Variants in CCSER2 observed in about 807,000 individuals in gnomAD.
CCSER2 encodes the protein coiled-coil serine rich protein 2.
Under a neutral mutation model 92.3 loss-of-function variants are expected in CCSER2, and 46 were observed. The observed-to-expected ratio is 0.50, with a 90% CI of 0.39 to 0.64. The LOEUF (loss-of-function observed/expected upper bound fraction) is 0.64, where lower values mean the gene tolerates loss of function less well. Among genes scored for constraint, CCSER2 ranks in the 30% least tolerant of loss-of-function variants. The pLI is 0.00. For missense variants in CCSER2, 1,244 were observed against 1,238.9 expected (o/e 1.00, Z -0.06); for synonymous variants, 433 against 431.4 (o/e 1.00, Z -0.04).
rs767102779 is a variant in CCSER2 at position 84,371,409 on chromosome 10, A to T, written c.357A>T (p.Leu119Phe). 1 of 1,613,502 alleles carries T rather than the reference A, an allele frequency of 6.2e-7. No individual in the cohort carries two copies. Among genetic ancestry groups the T allele is most frequent in the South Asian group, 1.1e-5 (1 of 90,976 alleles). ...AGGGAGGTTTGAAAAGTGTTTCTTT[A>T]TTCACATCAAAGTTAGCAAAGCCAT... ...GIKGGLKSVS[L>F]FTSKLAKPST... Residue 119 changes from leucine to phenylalanine, a missense_variant, in exon 2 of 10, where the codon TTA (leucine) becomes TTT (phenylalanine). Transcript: ENST00000372088.
chr10:84,424,150 TCAAA>T (rs1171024456), intron 4 of CCSER2, among the ~76,000 whole-genome samples: 4 of 152,182 alleles, frequency 2.6e-5, no homozygotes, highest in South Asian at 4.2e-4. Context: ...AGAACCTGTC[TCAAA>T]CAAAAAGAAA....
intron 3 of CCSER2, among the ~76,000 whole-genome samples, chr10:84,381,799 G>A (rs866372181): frequency 2.0e-5 from 3 of 151,804 alleles, no homozygotes; most frequent in Middle Eastern, 6.8e-3. Flanking sequence ...GTGGTGGCAC[G>A]TGCCTGTAGT....
chr10:84,446,550 G>T (rs1175170293), intron 6 of CCSER2, among the ~76,000 whole-genome samples: 1 of 152,094 alleles, frequency 6.6e-6, no homozygotes, highest in Non-Finnish European at 1.5e-5. Context: ...GCCAGAGCAT[G>T]CCTGTTTCCC....
rs770080746 is a variant in CCSER2 at position 84,371,940 on chromosome 10, T to G, written c.888T>G (p.Ala296=). ...ATGGATTTAATAGGCCTTATGCTGCTGGTGGAAAGAAGTTGGCTTTACCAA... is the reference window on the plus strand; with the variant it reads ...ATGGATTTAATAGGCCTTATGCTGCGGGTGGAAAGAAGTTGGCTTTACCAA... ...LGYGFNRPYA[A]GGKKLALPNG... is the part of the protein sequence containing the mutation. The change falls in exon 2 of 10, where the codon GCT becomes GCG. Residue 296 remains alanine (A), a synonymous_variant. Coordinates refer to ENST00000372088, the MANE Select transcript of CCSER2 (RefSeq NM_001284240.2). 6.2e-7 allele frequency: 1 copy of G among 1,613,844 alleles called. No homozygotes were observed. Among genetic ancestry groups the G allele is most frequent in the Non-Finnish European group, 8.5e-7 (1 of 1,179,828 alleles).
chr10:84,411,883 T>C (rs1222224444), intron 3 of CCSER2, among the ~76,000 whole-genome samples: 2 of 152,216 alleles, frequency 1.3e-5, no homozygotes, highest in Non-Finnish European at 1.5e-5. Context: ...CCTTGTCTTG[T>C]GCTGGTTTTC....
At chr10:84,390,804 A>G in intron 3 of CCSER2, 1 of 493,500 alleles carries the variant, frequency 2.0e-6, no homozygotes, top group South Asian at 2.2e-5. Context: ...TACATGGATT[A>G]TTTGAAGGAG....
intron 6 of CCSER2, among the ~76,000 whole-genome samples, chr10:84,457,472 A>G (rs1164683112): frequency 5.3e-5 from 6 of 113,304 alleles, no homozygotes; most frequent in Admixed American, 2.4e-4. Flanking sequence ...TAATATATAT[A>G]TAAAAGACAT....
chr10:84,435,972 T>C (rs1332708925), intron 5 of CCSER2, among the ~76,000 whole-genome samples: 7 of 151,664 alleles, frequency 4.6e-5, no homozygotes, highest in Non-Finnish European at 8.8e-5. Flanking sequence ...TACTCAGAGG[T>C]TGTGGGTTTG....
chr10:84,332,502 C>T (rs1467628452), intron 1 of CCSER2, among the ~76,000 whole-genome samples: 1 of 130,660 alleles, frequency 7.7e-6, no homozygotes, highest in Non-Finnish European at 1.5e-5. Flanking sequence ...GCAGCGGTGC[C>T]ATCTCGGCTC....
chr10:84,347,569 C>T (rs1238284644), intron 1 of CCSER2, among the ~76,000 whole-genome samples: 11 of 151,868 alleles, frequency 7.2e-5, no homozygotes, highest in African/African-American at 2.7e-4. Context: ...CCACCTCCCT[C>T]GCGGACGGGG....
At chr10:84,462,343 G>A (rs1846147335) in intron 6 of CCSER2, among the ~76,000 whole-genome samples, 1 of 152,172 alleles carries the variant, frequency 6.6e-6, no homozygotes, top group South Asian at 2.1e-4. Flanking sequence ...ATGCAAAGCA[G>A]TATGTGCTTG....
At chr10:84,484,288 T>A (rs1351821033) in intron 9 of CCSER2, among the ~76,000 whole-genome samples, 2 of 151,894 alleles carry the variant, frequency 1.3e-5, no homozygotes, top group African/African-American at 4.8e-5. Context: ...AATTTCTATA[T>A]TTTTAGTAGA....
intron 6 of CCSER2, among the ~76,000 whole-genome samples, chr10:84,459,398 A>C (rs374398846): frequency 5.4e-4 from 82 of 152,028 alleles, no homozygotes; most frequent in African/African-American, 1.8e-3. Flanking sequence ...GCCTTATTGC[A>C]CTGGATAGAA....
chr10:84,352,984 G>T (rs1373046033), intron 1 of CCSER2, among the ~76,000 whole-genome samples: 3 of 152,038 alleles, frequency 2.0e-5, no homozygotes, highest in Non-Finnish European at 2.9e-5. Flanking sequence ...TACAGATAGG[G>T]TTTTACCATG....
At chr10:84,359,555 C>T (rs1845387795) in intron 1 of CCSER2, among the ~76,000 whole-genome samples, 1 of 152,106 alleles carries the variant, frequency 6.6e-6, no homozygotes, top group Admixed American at 6.5e-5. Context: ...GTTATTGATG[C>T]TACTGCTGAT....
chr10:84,340,451 C>G (rs777035895), intron 1 of CCSER2, among the ~76,000 whole-genome samples: 16 of 136,464 alleles, frequency 1.2e-4, no homozygotes, highest in Non-Finnish European at 2.4e-4. Context: ...TTACGCCATT[C>G]AATTTGTACA....
At chr10:84,415,604 C>T (rs1013521635) in intron 3 of CCSER2, among the ~76,000 whole-genome samples, 12 of 152,318 alleles carry the variant, frequency 7.9e-5, no homozygotes, top group Admixed American at 7.8e-4. Flanking sequence ...GCTGGAGACC[C>T]TGTTGGGTGA....
intron 1 of CCSER2, among the ~76,000 whole-genome samples, chr10:84,356,119 AAG>A (rs1167928126): frequency 6.6e-6 from 1 of 151,304 alleles, no homozygotes; most frequent in African/African-American, 2.4e-5. Flanking sequence ...AAAAAAAAAA[AAG>A]GTGTTGTATT....
intron 6 of CCSER2, among the ~76,000 whole-genome samples, chr10:84,440,250 A>T (rs2133521481): frequency 6.6e-6 from 1 of 152,326 alleles, no homozygotes; most frequent in East Asian, 1.9e-4. Context: ...CTTAGGTACT[A>T]CACACGGGTA....
Sources: gnomAD v4.1 joint callset for allele counts (sites outside exome capture counted in the v4.1 genomes callset) on GRCh38, gnomAD v4.1.1 for gene constraint, MANE v1.5 for transcripts, NCBI Gene and HGNC (gene_info 2026-07-23, HGNC 2026-07-21) for gene names.